TRIM5: variants seen among roughly 807,000 people sequenced by gnomAD.
The protein encoded by TRIM5 is tripartite motif-containing protein 5.
TRIM5 carries 31 observed loss-of-function variants against 35.6 expected under a neutral mutation model. That is an observed-to-expected ratio of 0.87 (90% confidence interval 0.65 to 1.18). The LOEUF (loss-of-function observed/expected upper bound fraction) is 1.18, where lower values mean the gene tolerates loss of function less well. Among genes scored for constraint, TRIM5 ranks in the 50% most tolerant of loss-of-function variants. The pLI, the probability that TRIM5 is intolerant of heterozygous loss-of-function variation, is 0.00. For missense variants in TRIM5, 609 were observed against 591.6 expected, an observed-to-expected ratio of 1.03 and a Z score of -0.31; for synonymous variants, 243 against 215.6, an observed-to-expected ratio of 1.13 and a Z score of -1.11.
At chr11:5,643,462 A>G in the TRIM5 span, 1 of 1,614,190 alleles carries the variant, frequency 6.2e-7, no homozygotes, top group South Asian at 1.1e-5. Flanking sequence ...AATAAATGTA[A>G]GTATGGTGTC....
At chr11:5,660,854 A>G (rs1455778431), downstream of TRIM5, among the ~76,000 whole-genome samples, 2 of 151,808 alleles carry the variant, frequency 1.3e-5, no homozygotes, top group African/African-American at 4.8e-5. Context: ...CATCCTGGCT[A>G]ACACGGTGAA....
chr11:5,644,276 A>C, the TRIM5 span: 2 of 398,810 alleles, frequency 5.0e-6, no homozygotes, highest in African/African-American at 2.1e-5. Context: ...CTGAAATATA[A>C]ATTGGGATTT....
At chr11:5,593,432 G>A in the TRIM5 span, among the ~76,000 whole-genome samples, 2 of 152,040 alleles carry the variant, frequency 1.3e-5, no homozygotes, top group African/African-American at 4.8e-5. Context: ...TTTTTTCACA[G>A]GAAGTCTCTC....
At chr11:5,608,941 C>T in the TRIM5 span, among the ~76,000 whole-genome samples, 24 of 143,970 alleles carry the variant, frequency 1.7e-4, no homozygotes, top group Non-Finnish European at 3.0e-4. Flanking sequence ...CCTTCCTGCC[C>T]GTGAATTTTA....
At chr11:5,608,427 T>C in the TRIM5 span, 142 of 1,612,268 alleles carry the variant, frequency 8.8e-5, no homozygotes, top group Non-Finnish European at 1.1e-4. Flanking sequence ...GTAGTTCCCC[T>C]GGACTGACAA....
the TRIM5 span, chr11:5,634,480 A>G: frequency 9.4e-6 from 4 of 426,074 alleles, no homozygotes; most frequent in Non-Finnish European, 1.4e-5. Context: ...ATATATATAC[A>G]GATAATATAA....
At chr11:5,682,877 A>C (rs1056994525) in intron 1 of TRIM5, among the ~76,000 whole-genome samples, 1 of 152,212 alleles carries the variant, frequency 6.6e-6, no homozygotes, top group Non-Finnish European at 1.5e-5. Context: ...CCACCGCTGC[A>C]CTGTGGGAGC....
At chr11:5,602,276 T>TA in the TRIM5 span, among the ~76,000 whole-genome samples, 3 of 151,544 alleles carry the variant, frequency 2.0e-5, no homozygotes, top group African/African-American at 7.3e-5. Flanking sequence ...TCATCTCTAC[T>TA]AAAAAATACA....
the TRIM5 span, among the ~76,000 whole-genome samples, chr11:5,617,613 C>G: frequency 7.0e-6 from 1 of 141,932 alleles, no homozygotes; most frequent in African/African-American, 2.6e-5. Context: ...CTCGGCCTCC[C>G]GAGTAGCTGG....
the TRIM5 span, among the ~76,000 whole-genome samples, chr11:5,629,996 G>A: frequency 6.6e-6 from 1 of 152,124 alleles, no homozygotes; most frequent in Non-Finnish European, 1.5e-5. Flanking sequence ...GTGAGCCACC[G>A]CGCCCGGCCT....
chr11:5,602,251 T>C, the TRIM5 span, among the ~76,000 whole-genome samples: 525 of 151,398 alleles, frequency 3.5e-3, 4 homozygotes, highest in African/African-American at 0.012. Context: ...CCATCCTGGC[T>C]AACACAGTGA....
the TRIM5 span, among the ~76,000 whole-genome samples, chr11:5,635,763 T>C: frequency 6.6e-6 from 1 of 152,232 alleles, no homozygotes. Flanking sequence ...CCCAGCTTTT[T>C]TTAAATTCCT....
chr11:5,636,479 T>C, the TRIM5 span, among the ~76,000 whole-genome samples: 3 of 152,222 alleles, frequency 2.0e-5, no homozygotes, highest in East Asian at 5.8e-4. Context: ...TTAAAGCCTG[T>C]TAAATTGTGC....
chr11:5,654,956 T>C, the TRIM5 span, among the ~76,000 whole-genome samples: 1 of 152,086 alleles, frequency 6.6e-6, no homozygotes, highest in Non-Finnish European at 1.5e-5. Context: ...TTTGGAAGGC[T>C]GAGGCGGGTG....
At chr11:5,628,548 A>G in the TRIM5 span, among the ~76,000 whole-genome samples, 44 of 152,312 alleles carry the variant, frequency 2.9e-4, no homozygotes, top group East Asian at 7.5e-3. Flanking sequence ...ATGGATGGTT[A>G]GAGGAGTAGA....
chr11:5,593,402 T>C, the TRIM5 span, among the ~76,000 whole-genome samples: 1 of 152,222 alleles, frequency 6.6e-6, no homozygotes, highest in African/African-American at 2.4e-5. Context: ...CAAGTTGTAC[T>C]GAAAAAATAT....
chr11:5,620,993 C>A, the TRIM5 span, among the ~76,000 whole-genome samples: 1 of 152,176 alleles, frequency 6.6e-6, no homozygotes, highest in Non-Finnish European at 1.5e-5. Context: ...TATTTTTAGT[C>A]CCCATATCTT....
the TRIM5 span, chr11:5,605,650 C>G: frequency 6.8e-7 from 1 of 1,464,450 alleles, no homozygotes; most frequent in Non-Finnish European, 9.0e-7. Context: ...ATCAGACTAC[C>G]ATCGTTGCAG....
At chr11:5,643,134 T>C in the TRIM5 span, 1 of 1,394,942 alleles carries the variant, frequency 7.2e-7, no homozygotes, top group Non-Finnish European at 9.3e-7. Flanking sequence ...TATTTTTTTT[T>C]TTCTTGCAGT....
Sources: allele counts gnomAD v4.1 joint callset (sites outside exome capture counted in the v4.1 genomes callset), GRCh38; gene constraint gnomAD v4.1.1; transcripts MANE v1.5; gene names NCBI Gene and HGNC (gene_info 2026-07-23, HGNC 2026-07-21).